Variants in CADM2 observed in about 807,000 individuals in gnomAD.
The protein encoded by CADM2 is immunoglobulin superfamily member 4D.
In CADM2, 12 loss-of-function variants were observed where a neutral mutation model predicts 49.8. The observed-to-expected ratio is 0.24, with a 90% CI of 0.15 to 0.39. The LOEUF is 0.39. Among genes scored for constraint, CADM2 ranks in the 10% least tolerant of loss-of-function variants. CADM2 has a pLI of 1.00. For synonymous variants in CADM2, 214 were observed against 175.4 expected (o/e 1.22, Z -1.74); for missense variants, 378 against 492.3 (o/e 0.77, Z 2.20).
At position 85,845,075 on chromosome 3, in the gene CADM2, G is replaced by A. The variant is rs905913473; in HGVS notation, c.239-38216G>A. ...GAGGTTAATACAAGGAGGTTCACTT[G>A]AGCCCAGGAGTTTGAGGCTGGAGTG... On this transcript the variant is annotated intron_variant, in intron 3 of 9. Coordinates refer to ENST00000383699, the MANE Select transcript of CADM2 (RefSeq NM_001167675.2). Among the ~76,000 whole-genome samples, 18 of 149,326 alleles carry A rather than the reference G, an allele frequency of 1.2e-4. No homozygotes were observed. In the Middle Eastern group the frequency reaches 0.011, roughly 88 times the overall value.
chr3:85,549,515 T>C (rs1342930698), intron 1 of CADM2, among the ~76,000 whole-genome samples: 1 of 152,054 alleles, frequency 6.6e-6, no homozygotes, highest in Non-Finnish European at 1.5e-5. Flanking sequence ...GAATGATGAG[T>C]AGATGAACAT....
intron 8 of CADM2, among the ~76,000 whole-genome samples, chr3:86,025,991 T>C (rs1377738372): frequency 6.6e-6 from 1 of 152,100 alleles, no homozygotes; most frequent in East Asian, 1.9e-4. Context: ...ATAATATGCT[T>C]AAGCTTATTA....
intron 1 of CADM2, among the ~76,000 whole-genome samples, chr3:85,471,804 A>G (rs1454127378): frequency 6.8e-6 from 1 of 146,868 alleles, no homozygotes; most frequent in Non-Finnish European, 1.5e-5. Flanking sequence ...GGAAAAATAC[A>G]AAAGTCAATA....
intron 2 of CADM2, among the ~76,000 whole-genome samples, chr3:85,778,879 A>C (rs1008980090): frequency 2.6e-5 from 4 of 152,166 alleles, no homozygotes; most frequent in Non-Finnish European, 5.9e-5. Flanking sequence ...ATAAATTTTA[A>C]AGACACACTC....
intron 1 of CADM2, among the ~76,000 whole-genome samples, chr3:85,362,827 C>T (rs1161999007): frequency 6.6e-6 from 1 of 152,154 alleles, no homozygotes; most frequent in Non-Finnish European, 1.5e-5. Flanking sequence ...TCTAACATCA[C>T]ATTCCCATGA....
chr3:85,180,660 G>T (rs1396691780), intron 1 of CADM2, among the ~76,000 whole-genome samples: 1 of 151,764 alleles, frequency 6.6e-6, no homozygotes, highest in Non-Finnish European at 1.5e-5. Flanking sequence ...ACAAAGTTCT[G>T]CAGGATTTCT....
At chr3:85,700,050 G>T (rs2066702694) in intron 1 of CADM2, among the ~76,000 whole-genome samples, 1 of 152,068 alleles carries the variant, frequency 6.6e-6, no homozygotes. Context: ...GTTTACAGTG[G>T]CACTATTCAC....
chr3:85,786,165 A>T (rs1041158771), intron 2 of CADM2, among the ~76,000 whole-genome samples: 1 of 152,138 alleles, frequency 6.6e-6, no homozygotes, highest in African/African-American at 2.4e-5. Context: ...AAAGATTTTT[A>T]CACTTTCACC....
intron 1 of CADM2, among the ~76,000 whole-genome samples, chr3:84,983,707 A>G (rs1364450612): frequency 6.6e-6 from 1 of 152,122 alleles, no homozygotes; most frequent in Non-Finnish European, 1.5e-5. Flanking sequence ...AAGGCATTTA[A>G]TCCATATTAT....
intron 1 of CADM2, among the ~76,000 whole-genome samples, chr3:85,438,245 G>A (rs1224966070): frequency 6.6e-6 from 1 of 151,512 alleles, no homozygotes; most frequent in East Asian, 1.9e-4. Context: ...ATCTTTTTAA[G>A]ACATTCAATT....
chr3:85,103,404 A>AG (rs2038083998), intron 1 of CADM2, among the ~76,000 whole-genome samples: 1 of 152,120 alleles, frequency 6.6e-6, no homozygotes. Context: ...ACAAAAAAAA[A>AG]TGTAATTCAG....
At chr3:85,335,469 G>A (rs1185832557) in intron 1 of CADM2, among the ~76,000 whole-genome samples, 2 of 151,142 alleles carry the variant, frequency 1.3e-5, no homozygotes, top group African/African-American at 4.8e-5. Flanking sequence ...TATTTATGGT[G>A]TACAGTGTTA....
intron 1 of CADM2, among the ~76,000 whole-genome samples, chr3:85,585,899 A>G (rs2062930676): frequency 6.6e-6 from 1 of 152,056 alleles, no homozygotes; most frequent in Non-Finnish European, 1.5e-5. Flanking sequence ...AAATAAGATA[A>G]TACAGGTGTG....
chr3:85,726,540 AAGTTAAAG>A lies in CADM2; in HGVS notation c.81_88del (p.Val28GlnfsTer15). On this transcript the variant is annotated frameshift_variant and splice_region_variant, in exon 2 of 10. Coordinates refer to ENST00000383699, the MANE Select transcript of CADM2 (RefSeq NM_001167675.2). LOFTEE classifies it high-confidence loss of function. ...GTACCAGCGGCTGCTTCAAAGAATA[AAGTTAAAG>A]GTGAGCTCCTGTTTATTCTGCATGA... 6.2e-7 allele frequency: 1 copy of A among 1,611,966 alleles called. No individual in the cohort carries two copies. Among genetic ancestry groups the A allele is most frequent in the Non-Finnish European group, 8.5e-7 (1 of 1,178,552 alleles).
intron 8 of CADM2, among the ~76,000 whole-genome samples, chr3:85,989,566 G>A (rs1053139938): frequency 1.3e-5 from 2 of 152,142 alleles, no homozygotes; most frequent in Non-Finnish European, 2.9e-5. Flanking sequence ...AAAACAGGAC[G>A]AAAGATGGAT....
chr3:85,603,671 C>T (rs2063478446), intron 1 of CADM2, among the ~76,000 whole-genome samples: 1 of 151,806 alleles, frequency 6.6e-6, no homozygotes, highest in African/African-American at 2.4e-5. Flanking sequence ...TCTGTGTTTC[C>T]TCTGTACTTG....
intron 1 of CADM2, among the ~76,000 whole-genome samples, chr3:85,059,775 G>A (rs1358273330): frequency 5.3e-5 from 8 of 152,142 alleles, no homozygotes; most frequent in Non-Finnish European, 8.8e-5. Flanking sequence ...ACAATTGTGA[G>A]GTCTCCCCAG....
At chr3:85,625,427 A>G (rs1334896358) in intron 1 of CADM2, among the ~76,000 whole-genome samples, 4 of 152,080 alleles carry the variant, frequency 2.6e-5, no homozygotes, top group East Asian at 3.8e-4. Context: ...GATGCATGCT[A>G]TTAGGTAAAT....
intron 1 of CADM2, among the ~76,000 whole-genome samples, chr3:85,396,896 A>T (rs1405665892): frequency 1.3e-5 from 2 of 152,120 alleles, no homozygotes; most frequent in South Asian, 2.1e-4. Context: ...ACAACAAAAA[A>T]TTAGATAAAT....
Sources: allele counts gnomAD v4.1 joint callset (sites outside exome capture counted in the v4.1 genomes callset), GRCh38; gene constraint gnomAD v4.1.1; transcripts MANE v1.5; gene names NCBI Gene and HGNC (gene_info 2026-07-23, HGNC 2026-07-21).